The following ASIC2 variants were observed in gnomAD, a reference collection of about 807,000 sequenced individuals.
The protein encoded by ASIC2 is acid sensing ion channel subunit 2.
In ASIC2, 25 loss-of-function variants were observed where a neutral mutation model predicts 57.3. That is an observed-to-expected ratio of 0.44 (90% confidence interval 0.32 to 0.61). ASIC2 has a LOEUF of 0.61. Ranked by LOEUF, ASIC2 falls within the 20% of genes least tolerant of loss-of-function variation. The pLI is 0.06. For synonymous variants in ASIC2, 319 were observed against 307.5 expected, an observed-to-expected ratio of 1.04 and a Z score of -0.39; for missense variants, 641 against 738.1, an observed-to-expected ratio of 0.87 and a Z score of 1.52.
intron 1 of ASIC2, among the ~76,000 whole-genome samples, chr17:33,993,566 C>G (rs1469513873): frequency 1.3e-5 from 2 of 152,204 alleles, no homozygotes; most frequent in African/African-American, 4.8e-5. Context: ...GAGAAACAGA[C>G]TCTGAGTTGA....
At chr17:33,476,544 G>GT in intron 1 of ASIC2, among the ~76,000 whole-genome samples, 1 of 104,638 alleles carries the variant, frequency 9.6e-6, no homozygotes. Context: ...TATGTACAGG[G>GT]GTGTGTGTGT....
chr17:33,304,264 G>A (rs959259601), intron 1 of ASIC2, among the ~76,000 whole-genome samples: 22 of 152,220 alleles, frequency 1.4e-4, no homozygotes, highest in Non-Finnish European at 2.9e-4. Context: ...CAACTTCAGT[G>A]AAACATTTCT....
chr17:33,769,749 C>T (rs938070206), intron 1 of ASIC2, among the ~76,000 whole-genome samples: 5 of 152,210 alleles, frequency 3.3e-5, no homozygotes, highest in African/African-American at 1.2e-4. Context: ...TTATTTCCCA[C>T]AGTTCTGGTG....
chr17:33,892,472 C>T (rs1036711830), intron 1 of ASIC2, among the ~76,000 whole-genome samples: 2 of 152,150 alleles, frequency 1.3e-5, no homozygotes, highest in African/African-American at 2.4e-5. Context: ...TCCTCATCAG[C>T]TTTCAAACCC....
At chr17:33,919,597 T>C (rs1440221086) in intron 1 of ASIC2, among the ~76,000 whole-genome samples, 2 of 152,220 alleles carry the variant, frequency 1.3e-5, no homozygotes, top group African/African-American at 2.4e-5. Flanking sequence ...AATACCATTC[T>C]GGAAATTGCC....
At chr17:33,776,518 T>C (rs551307786) in intron 1 of ASIC2, among the ~76,000 whole-genome samples, 2 of 152,308 alleles carry the variant, frequency 1.3e-5, no homozygotes, top group East Asian at 3.9e-4. Flanking sequence ...CCAGATAAAA[T>C]ACAGGATGCA....
intron 1 of ASIC2, among the ~76,000 whole-genome samples, chr17:34,154,872 C>T (rs1904653736): frequency 6.6e-6 from 1 of 152,114 alleles, no homozygotes; most frequent in South Asian, 2.1e-4. Context: ...TCCCACAGCC[C>T]CTGATACCCA....
At chr17:34,044,060 A>C (rs1319922110) in intron 1 of ASIC2, among the ~76,000 whole-genome samples, 1 of 152,052 alleles carries the variant, frequency 6.6e-6, no homozygotes, top group Non-Finnish European at 1.5e-5. Context: ...TTTATGGATA[A>C]AACAGCTCAT....
At chr17:33,240,532 AG>A (rs540296833) in intron 1 of ASIC2, among the ~76,000 whole-genome samples, 182 of 152,318 alleles carry the variant, frequency 1.2e-3, no homozygotes, top group African/African-American at 4.3e-3. Context: ...CCTCATCTCC[AG>A]GGACCCTGCC....
intron 1 of ASIC2, among the ~76,000 whole-genome samples, chr17:33,507,568 C>T (rs1183400028): frequency 6.6e-6 from 1 of 152,124 alleles, no homozygotes; most frequent in African/African-American, 2.4e-5. Flanking sequence ...TATATGCTTT[C>T]ATTCTCATCG....
At chr17:33,251,678 A>G (rs1908889383) in intron 1 of ASIC2, among the ~76,000 whole-genome samples, 2 of 152,168 alleles carry the variant, frequency 1.3e-5, no homozygotes, top group South Asian at 4.1e-4. Flanking sequence ...CAATGTAATG[A>G]AGGTGCAAGT....
chr17:33,603,306 GA>G (rs1413583760), intron 1 of ASIC2, among the ~76,000 whole-genome samples: 1 of 152,216 alleles, frequency 6.6e-6, no homozygotes, highest in Non-Finnish European at 1.5e-5. Context: ...CATCTGGGGA[GA>G]GAGCCTGATT....
chr17:33,408,295 T>C (rs1250303532), intron 1 of ASIC2, among the ~76,000 whole-genome samples: 4 of 152,348 alleles, frequency 2.6e-5, no homozygotes, highest in African/African-American at 9.6e-5. Flanking sequence ...CATGTCCATG[T>C]GCTGCAGTGG....
At chr17:33,594,101 C>A (rs759515949) in intron 1 of ASIC2, among the ~76,000 whole-genome samples, 2 of 152,232 alleles carry the variant, frequency 1.3e-5, no homozygotes, top group African/African-American at 4.8e-5. Flanking sequence ...TCTTAGCTCG[C>A]GTTTCCTACA....
At position 33,184,176 on chromosome 17, in the gene ASIC2, G is replaced by T. The variant is rs58468784; in HGVS notation, c.709-72109C>A. On this transcript the variant is annotated intron_variant, in intron 1 of 9. Transcript: ENST00000225823. ...TAAAGCGACTTGCCCAAATTCACCTGGCTATTTAGGGACTCAGATGGTATA... is the reference window on the plus strand; with the variant it reads ...TAAAGCGACTTGCCCAAATTCACCTTGCTATTTAGGGACTCAGATGGTATA... Among the ~76,000 whole-genome samples, 1,513 of 152,212 alleles carry T rather than the reference G, an allele frequency of 9.9e-3. 24 individuals are homozygous for T. The highest frequency in any genetic ancestry group is 0.035 in the African/African-American group (1,440 of 41,520).
chr17:33,214,935 C>T (rs1281785033), intron 1 of ASIC2, among the ~76,000 whole-genome samples: 1 of 152,144 alleles, frequency 6.6e-6, no homozygotes, highest in African/African-American at 2.4e-5. Flanking sequence ...AGACATACAC[C>T]CAGAGTCACA....
rs529976422 is a variant in ASIC2 at position 33,569,922 on chromosome 17, T to C, written c.556-457855A>G. On this transcript the variant is annotated intron_variant, in intron 1 of 9. Transcript: ENST00000359872. ...TCCTGATCATATCTATATGAACCCT[T>C]CCTTAGCTCACTTTCCCCTGGGGCA... 2.0e-5 allele frequency among the ~76,000 whole-genome samples: 3 copies of C among 152,278 alleles called. No homozygotes were observed. The East Asian group carries it at 5.8e-4, about 29-fold the overall frequency.
chr17:33,168,417 C>A (rs895948689), intron 1 of ASIC2, among the ~76,000 whole-genome samples: 1 of 152,092 alleles, frequency 6.6e-6, no homozygotes, highest in East Asian at 1.9e-4. Context: ...TCTGGTGAGG[C>A]CCCAGAAGAG....
intron 1 of ASIC2, among the ~76,000 whole-genome samples, chr17:33,552,244 G>A (rs1018213005): frequency 6.6e-6 from 1 of 152,188 alleles, no homozygotes; most frequent in Admixed American, 6.5e-5. Context: ...AATTTCCAAA[G>A]CCTTTTATTA....
Sources: allele counts gnomAD v4.1 joint callset (sites outside exome capture counted in the v4.1 genomes callset), GRCh38; gene constraint gnomAD v4.1.1; transcripts MANE v1.5; gene names NCBI Gene and HGNC (gene_info 2026-07-23, HGNC 2026-07-21).